The following ROBO1 variants were observed in gnomAD, a reference collection of about 807,000 sequenced individuals.
The protein encoded by ROBO1 is roundabout guidance receptor 1, also known as roundabout homolog 1.
A neutral mutation model predicts 195.9 loss-of-function variants in ROBO1; 149 were observed. The ratio of observed to expected loss-of-function variants is 0.76; its 90% CI spans 0.67 to 0.87. The LOEUF is 0.87. Ranked by LOEUF, ROBO1 falls within the 40% of genes least tolerant of loss-of-function variation. The probability of loss-of-function intolerance (pLI) is 0.00; values close to 1 mark genes in which losing one functional copy is unlikely to be tolerated. For synonymous variants in ROBO1, 816 were observed against 733.2 expected (o/e 1.11, Z -1.82); for missense variants, 1,933 against 2,068.3 (o/e 0.93, Z 1.27).
At chr3:79,763,012 T>C (rs908662977) in intron 1 of ROBO1, among the ~76,000 whole-genome samples, 4 of 152,140 alleles carry the variant, frequency 2.6e-5, no homozygotes, top group African/African-American at 9.7e-5. Flanking sequence ...CACTTGGAAA[T>C]CTAAAGAGAT....
At chr3:79,732,349 T>C (rs1351881336) in intron 1 of ROBO1, among the ~76,000 whole-genome samples, 6 of 149,160 alleles carry the variant, frequency 4.0e-5, no homozygotes, top group Admixed American at 1.4e-4. Flanking sequence ...TTACACAATT[T>C]AAAAAAGATA....
chr3:79,244,899 A>C (rs1487879216), intron 2 of ROBO1, among the ~76,000 whole-genome samples: 1 of 152,032 alleles, frequency 6.6e-6, no homozygotes, highest in East Asian at 1.9e-4. Flanking sequence ...TTTAAGACAT[A>C]AGGGCATTCT....
intron 2 of ROBO1, among the ~76,000 whole-genome samples, chr3:79,213,866 C>A (rs983498505): frequency 2.2e-4 from 32 of 146,548 alleles, no homozygotes; most frequent in Admixed American, 9.6e-4. Flanking sequence ...CATTCTGTCA[C>A]CCAGGCTGAA....
At chr3:79,452,065 C>T (rs2039459135) in intron 2 of ROBO1, among the ~76,000 whole-genome samples, 1 of 151,732 alleles carries the variant, frequency 6.6e-6, no homozygotes, top group Non-Finnish European at 1.5e-5. Flanking sequence ...TCTGCTTTAT[C>T]TCATTTTCAG....
intron 1 of ROBO1, among the ~76,000 whole-genome samples, chr3:79,655,664 A>G (rs889559446): frequency 6.6e-6 from 1 of 152,108 alleles, no homozygotes; most frequent in Non-Finnish European, 1.5e-5. Flanking sequence ...AAATAAGAGA[A>G]TAGCAAAGCT....
rs747001468 is a variant in ROBO1, at chr3:78,661,095, C to T, written c.2255G>A (p.Arg752His). Residue 752 changes from arginine to histidine, a missense_variant, in exon 16 of 31, where the codon CGC becomes CAC. Around this residue, in one of 3 missense-constraint regions of ROBO1, gnomAD observed 1,737 missense variants for 1,882.5 expected, o/e 0.92. Coordinates refer to ENST00000464233, the MANE Select transcript of ROBO1 (RefSeq NM_002941.4). Reference protein sequence around the residue: ...RKGVNYEIKARPFFNEFQGAD... With the variant: ...RKGVNYEIKAHPFFNEFQGAD... ...TCCTTGAAATTCATTAAAAAAAGGGCGAGCCTTAATTTCATAGTTGACTCC... is the reference window on the plus strand; with the variant it reads ...TCCTTGAAATTCATTAAAAAAAGGGTGAGCCTTAATTTCATAGTTGACTCC... The T allele has an allele frequency of 2.7e-5, 44 of 1,613,232 alleles. No individual in the cohort carries two copies. The highest frequency in any genetic ancestry group is 4.0e-5 in the African/African-American group (3 of 74,870).
At chr3:79,641,073 T>C (rs1945645061) in intron 1 of ROBO1, among the ~76,000 whole-genome samples, 1 of 152,190 alleles carries the variant, frequency 6.6e-6, no homozygotes, top group African/African-American at 2.4e-5. Flanking sequence ...CTCCATCATA[T>C]ATTTAAGGAA....
intron 8 of ROBO1, among the ~76,000 whole-genome samples, chr3:78,690,163 A>G (rs968278783): frequency 6.6e-6 from 1 of 151,320 alleles, no homozygotes; most frequent in Non-Finnish European, 1.5e-5. Flanking sequence ...TATTTCAAAT[A>G]TAAAGCCCCT....
intron 3 of ROBO1, among the ~76,000 whole-genome samples, chr3:79,034,704 C>T (rs779970370): frequency 6.6e-6 from 1 of 152,050 alleles, no homozygotes; most frequent in Non-Finnish European, 1.5e-5. Flanking sequence ...TACTTGAAAA[C>T]TTATGAGTTG....
At chr3:78,800,858 C>T (rs528561380) in intron 4 of ROBO1, among the ~76,000 whole-genome samples, 1 of 152,232 alleles carries the variant, frequency 6.6e-6, no homozygotes, top group African/African-American at 2.4e-5. Context: ...GCCACCACAC[C>T]TGGCCTAAAT....
chr3:79,129,898 T>C (rs1209854754), intron 2 of ROBO1, among the ~76,000 whole-genome samples: 1 of 144,198 alleles, frequency 6.9e-6, no homozygotes, highest in Admixed American at 7.1e-5. Context: ...TTTCTACATA[T>C]GGCTAGCCAG....
chr3:79,143,957 G>A (rs2080589085), intron 2 of ROBO1, among the ~76,000 whole-genome samples: 1 of 151,636 alleles, frequency 6.6e-6, no homozygotes, highest in South Asian at 2.1e-4. Context: ...TAACTTTTTT[G>A]AGAATGACTT....
intron 3 of ROBO1, among the ~76,000 whole-genome samples, chr3:78,980,044 T>A (rs187007775): frequency 6.6e-6 from 1 of 152,292 alleles, no homozygotes; most frequent in Non-Finnish European, 1.5e-5. Context: ...TCCTACACTT[T>A]AATACATGTA....
chr3:79,548,732 A>G (rs1942366016), intron 2 of ROBO1, among the ~76,000 whole-genome samples: 1 of 152,200 alleles, frequency 6.6e-6, no homozygotes, highest in African/African-American at 2.4e-5. Flanking sequence ...TACGTTCTCC[A>G]CATCCAATGT....
intron 2 of ROBO1, among the ~76,000 whole-genome samples, chr3:79,503,403 G>A (rs544730872): frequency 2.6e-4 from 39 of 152,286 alleles, no homozygotes; most frequent in South Asian, 2.3e-3. Context: ...ACCACTCACC[G>A]CTAGGGTCTG....
chr3:79,273,777 A>G (rs571786498), intron 2 of ROBO1, among the ~76,000 whole-genome samples: 1 of 152,122 alleles, frequency 6.6e-6, no homozygotes, highest in East Asian at 1.9e-4. Context: ...TTTCACCTAT[A>G]AAAGGTACAC....
intron 3 of ROBO1, among the ~76,000 whole-genome samples, chr3:79,122,963 A>T (rs2080148078): frequency 6.6e-6 from 1 of 152,012 alleles, no homozygotes; most frequent in Non-Finnish European, 1.5e-5. Flanking sequence ...CTGATGTATA[A>T]AATCTGCACA....
intron 1 of ROBO1, among the ~76,000 whole-genome samples, chr3:79,766,673 T>G (rs1383644296): frequency 6.6e-6 from 1 of 152,062 alleles, no homozygotes; most frequent in East Asian, 2.0e-4. Flanking sequence ...CTCCCCATTG[T>G]GTTCTCAGAG....
chr3:79,177,666 C>A (rs1239532381), intron 2 of ROBO1, among the ~76,000 whole-genome samples: 3 of 152,196 alleles, frequency 2.0e-5, no homozygotes, highest in Non-Finnish European at 2.9e-5. Context: ...GAAGCTATTT[C>A]TTTCCCATAA....
Sources: allele counts gnomAD v4.1 joint callset (sites outside exome capture counted in the v4.1 genomes callset), GRCh38; gene constraint gnomAD v4.1.1; regional missense constraint gnomAD v4.1.1; transcripts MANE v1.5; gene names NCBI Gene and HGNC (gene_info 2026-07-23, HGNC 2026-07-21).